COLEC10: variants seen among roughly 807,000 people sequenced by gnomAD.
The protein encoded by COLEC10 is collectin subfamily member 10.
Under a neutral mutation model 28.4 loss-of-function variants are expected in COLEC10, and 22 were observed. The ratio of observed to expected loss-of-function variants is 0.78; its 90% CI spans 0.55 to 1.11. COLEC10 has a LOEUF of 1.11. COLEC10 is among the 50% of genes least tolerant of loss of function. The pLI is 0.00. For synonymous variants in COLEC10, 125 were observed against 116.1 expected, an observed-to-expected ratio of 1.08 and a Z score of -0.49; for missense variants, 361 against 344.1, an observed-to-expected ratio of 1.05 and a Z score of -0.39.
At chr8:119,018,195 A>G (rs934161473) in intron 2 of COLEC10, among the ~76,000 whole-genome samples, 1 of 152,200 alleles carries the variant, frequency 6.6e-6, no homozygotes, top group African/African-American at 2.4e-5. Flanking sequence ...ACCTTTACTA[A>G]AAGTGTCCTG....
intron 2 of COLEC10, among the ~76,000 whole-genome samples, chr8:119,014,213 T>G (rs1239530211): frequency 4.0e-5 from 6 of 150,832 alleles, no homozygotes; most frequent in Admixed American, 4.0e-4. Flanking sequence ...CATTTACCTT[T>G]TCTTTAAAGA....
chr8:119,016,558 G>C (rs180751397), intron 2 of COLEC10, among the ~76,000 whole-genome samples: 1 of 151,822 alleles, frequency 6.6e-6, no homozygotes, highest in Non-Finnish European at 1.5e-5. Flanking sequence ...GGGATTGCTG[G>C]GTCAAATGGT....
chr8:119,072,973 C>T (rs771261029), intron 1 of COLEC10, among the ~76,000 whole-genome samples: 2 of 151,982 alleles, frequency 1.3e-5, no homozygotes, highest in Non-Finnish European at 2.9e-5. Flanking sequence ...ACTTCTCAGC[C>T]CCCAACACAA....
the COLEC10 span, among the ~76,000 whole-genome samples, chr8:118,969,824 T>C: frequency 2.6e-5 from 4 of 152,004 alleles, no homozygotes; most frequent in Admixed American, 6.6e-5. Context: ...TGGTGTCCTC[T>C]GATCACTTCA....
intron 2 of COLEC10, among the ~76,000 whole-genome samples, chr8:119,053,198 G>T (rs1421095246): frequency 1.3e-5 from 2 of 152,090 alleles, no homozygotes; most frequent in Non-Finnish European, 2.9e-5. Flanking sequence ...AACCGTAAAA[G>T]GGGGGACTAT....
chr8:119,085,648 A>G (rs1389656443), intron 1 of COLEC10, among the ~76,000 whole-genome samples: 1 of 106,918 alleles, frequency 9.4e-6, no homozygotes, highest in African/African-American at 3.5e-5. Flanking sequence ...GTTGCTGTTG[A>G]GATGCAGTCT....
At chr8:118,997,412 GT>G (rs1277537286) in intron 1 of COLEC10, among the ~76,000 whole-genome samples, 2 of 152,018 alleles carry the variant, frequency 1.3e-5, no homozygotes, top group Admixed American at 6.6e-5. Flanking sequence ...TTTCCCCTGT[GT>G]TTTTTCATAG....
intron 2 of COLEC10, among the ~76,000 whole-genome samples, chr8:119,062,099 C>A (rs1007364352): frequency 3.3e-5 from 5 of 152,060 alleles, no homozygotes; most frequent in African/African-American, 1.2e-4. Flanking sequence ...TGTGTCCCTG[C>A]TGTGAATAAT....
intron 2 of COLEC10, among the ~76,000 whole-genome samples, chr8:119,039,197 C>T (rs910751647): frequency 2.8e-4 from 43 of 152,018 alleles, no homozygotes; most frequent in African/African-American, 6.0e-4. Context: ...CTCTTTCTTC[C>T]GCTTTAGTCC....
chr8:119,104,025 G>A, intron 5 of COLEC10, 130 bp downstream of exon 5: 1 of 653,756 alleles, frequency 1.5e-6, no homozygotes, highest in East Asian at 2.8e-5. Flanking sequence ...CAGTTTAAGG[G>A]TCTCCCAAAT....
At chr8:118,973,708 A>G in the COLEC10 span, among the ~76,000 whole-genome samples, 1 of 152,130 alleles carries the variant, frequency 6.6e-6, no homozygotes, top group South Asian at 2.1e-4. Context: ...GAGCATGAGT[A>G]GCAAGAGACA....
chr8:119,095,840 C>T (rs1815703967), intron 3 of COLEC10, among the ~76,000 whole-genome samples: 1 of 151,898 alleles, frequency 6.6e-6, no homozygotes, highest in Non-Finnish European at 1.5e-5. Flanking sequence ...AAAAATAAAA[C>T]AAAGGTAGAA....
intron 1 of COLEC10, among the ~76,000 whole-genome samples, chr8:119,074,148 G>T (rs1190152626): frequency 6.6e-6 from 1 of 151,996 alleles, no homozygotes. Context: ...CAGAGGCTAG[G>T]AAGGGGAGTG....
chr8:119,015,951 G>A (rs1289131667), intron 2 of COLEC10, among the ~76,000 whole-genome samples: 1 of 152,168 alleles, frequency 6.6e-6, no homozygotes, highest in Non-Finnish European at 1.5e-5. Context: ...GTACCAGGTA[G>A]TGATTGAATC....
chr8:119,039,267 C>A (rs930997457), intron 2 of COLEC10, among the ~76,000 whole-genome samples: 12 of 152,160 alleles, frequency 7.9e-5, no homozygotes, highest in Non-Finnish European at 1.8e-4. Flanking sequence ...ACTTACCCTG[C>A]AGTTTTCAAT....
intron 1 of COLEC10, among the ~76,000 whole-genome samples, chr8:119,079,660 G>C (rs1218633585): frequency 8.3e-6 from 1 of 120,078 alleles, no homozygotes. Flanking sequence ...ATAATTGCAG[G>C]CTCCAAGTGA....
chr8:119,032,506 T>C (rs1407884418), intron 2 of COLEC10, among the ~76,000 whole-genome samples: 1 of 152,174 alleles, frequency 6.6e-6, no homozygotes, highest in Non-Finnish European at 1.5e-5. Flanking sequence ...GGCCATGGTT[T>C]TGTACTCAGC....
chr8:118,976,953 A>C, the COLEC10 span, among the ~76,000 whole-genome samples: 1 of 150,424 alleles, frequency 6.6e-6, no homozygotes, highest in Non-Finnish European at 1.5e-5. Context: ...ATGAACAGAC[A>C]CTTCTCAAAA....
intron 2 of COLEC10, among the ~76,000 whole-genome samples, chr8:119,017,478 C>T (rs79366476): frequency 0.044 from 6,691 of 152,182 alleles, 215 homozygotes; most frequent in East Asian, 0.16. Context: ...AGAATTGTGT[C>T]GAGAAGGATT....
Sources: gnomAD v4.1 joint callset for allele counts (sites outside exome capture counted in the v4.1 genomes callset) on GRCh38, gnomAD v4.1.1 for gene constraint, MANE v1.5 for transcripts, NCBI Gene and HGNC (gene_info 2026-07-23, HGNC 2026-07-21) for gene names.